The following LEO1 variants were observed in gnomAD, a reference collection of about 807,000 sequenced individuals.
LEO1 encodes LEO1 component of Paf1/RNA polymerase II complex, also known as RNA polymerase-associated protein LEO1.
Under a neutral mutation model 80.4 loss-of-function variants are expected in LEO1, and 34 were observed. The ratio of observed to expected loss-of-function variants is 0.42; its 90% CI spans 0.32 to 0.56. The LOEUF (loss-of-function observed/expected upper bound fraction) is 0.56. LEO1 is among the 20% of genes least tolerant of loss of function. The pLI, the probability that LEO1 is intolerant of heterozygous loss-of-function variation, is 0.10. For missense variants in LEO1, 631 were observed against 814.2 expected (o/e 0.77, Z 2.74); for synonymous variants, 262 against 274.9 (o/e 0.95, Z 0.46).
At chr15:51,958,859 A>T in intron 5 of LEO1, 33 bp from the exon 6 acceptor site, 1 of 1,181,914 alleles carries the variant, frequency 8.5e-7, no homozygotes, top group Non-Finnish European at 1.2e-6. Context: ...ACTATTAATC[A>T]TATTTTATAA....
chr15:51,950,055 C>T, intron 9 of LEO1, 61 bp from the exon 10 acceptor site: 2 of 1,387,232 alleles, frequency 1.4e-6, no homozygotes, highest in South Asian at 2.7e-5. Context: ...CCCACTTGAA[C>T]CCACTTTTAT....
At chr15:51,966,635 G>A (rs1163232585) in intron 1 of LEO1, 131 bp from the exon 2 acceptor site, 2 of 601,942 alleles carry the variant, frequency 3.3e-6, no homozygotes, top group East Asian at 2.8e-5. Context: ...CTAAGGCCGG[G>A]TGCAGTGGCT....
chr15:51,948,085 C>T (rs908979414), intron 10 of LEO1, among the ~76,000 whole-genome samples: 2 of 152,086 alleles, frequency 1.3e-5, no homozygotes, highest in African/African-American at 2.4e-5. Flanking sequence ...CTGTAAAGAC[C>T]GTTTGTTGCC....
At chr15:51,966,601 G>A in intron 1 of LEO1, 97 bp from the exon 2 acceptor site, 1 of 718,684 alleles carries the variant, frequency 1.4e-6, no homozygotes, top group Non-Finnish European at 2.4e-6. Context: ...GAAGAAACTG[G>A]CAAAAACTGT....
intron 2 of LEO1, among the ~76,000 whole-genome samples, chr15:51,963,412 A>G (rs1458078146): frequency 3.3e-5 from 5 of 152,230 alleles, no homozygotes; most frequent in African/African-American, 1.2e-4. Context: ...TGACAAATAT[A>G]TCATTATTTC....
At chr15:51,943,294 G>A (rs538843982) in intron 11 of LEO1, among the ~76,000 whole-genome samples, 6 of 151,518 alleles carry the variant, frequency 4.0e-5, no homozygotes, top group Non-Finnish European at 7.4e-5. Flanking sequence ...CAGGAGAATC[G>A]CTTGAATTCG....
chr15:51,962,660 C>T (rs898484915), intron 2 of LEO1, among the ~76,000 whole-genome samples, 167 bp from the exon 3 acceptor site: 1 of 152,144 alleles, frequency 6.6e-6, no homozygotes, highest in Non-Finnish European at 1.5e-5. Context: ...ATCAAAAATG[C>T]TATATGCCAA....
At chr15:51,965,526 C>A (rs140411912) in intron 2 of LEO1, among the ~76,000 whole-genome samples, 1 of 152,196 alleles carries the variant, frequency 6.6e-6, no homozygotes, top group Non-Finnish European at 1.5e-5. Context: ...TTGTTTTCCC[C>A]CAGACCTATC....
chr15:51,950,017 T>C, intron 9 of LEO1, 23 bp from the exon 10 acceptor site: 1 of 1,587,424 alleles, frequency 6.3e-7, no homozygotes, highest in Non-Finnish European at 8.6e-7. Flanking sequence ...AAATAACCTC[T>C]TTAACCTAAA....
chr15:51,964,052 A>G (rs1388584803), intron 2 of LEO1, among the ~76,000 whole-genome samples: 1 of 151,926 alleles, frequency 6.6e-6, no homozygotes, highest in Non-Finnish European at 1.5e-5. Flanking sequence ...TAAAAATACA[A>G]AAAATTAGCC....
Position 51,947,442 on chromosome 15 carries a change from G to A in LEO1, c.1799-53C>T, listed in dbSNP as rs2056911813. 6 of 1,317,522 alleles carry A rather than the reference G, an allele frequency of 4.6e-6. No individual in the cohort carries two copies. The East Asian group carries it at 6.9e-5, about 15-fold the overall frequency. 81.6% of individuals were successfully genotyped at this position (1,317,522 alleles called of 1,614,324 possible). A position where few individuals can be genotyped will look rare whatever the true frequency, so the allele number is the denominator to read the frequency against. On this transcript the variant is annotated intron_variant, in intron 10 of 11. Coordinates refer to ENST00000299601, the MANE Select transcript of LEO1 (RefSeq NM_138792.4). Reference sequence around the variant, plus strand: ...CACCTTTTTTTTTTTCTGAGACAGGGTCTTGCTTTGAGGCCCAGGCTGGAG... The same window carrying A: ...CACCTTTTTTTTTTTCTGAGACAGGATCTTGCTTTGAGGCCCAGGCTGGAG...
chr15:51,967,503 T>G (rs2057087487), intron 1 of LEO1, among the ~76,000 whole-genome samples: 1 of 144,608 alleles, frequency 6.9e-6, no homozygotes, highest in African/African-American at 2.6e-5. Context: ...GCTGAAGAAC[T>G]CCCAAATTTA....
At chr15:51,943,131 G>A (rs2056869663) in intron 11 of LEO1, among the ~76,000 whole-genome samples, 1 of 152,040 alleles carries the variant, frequency 6.6e-6, no homozygotes, top group Admixed American at 6.6e-5. Flanking sequence ...TGTAATCCCA[G>A]CACTTTGGGA....
At chr15:51,950,299 A>T (rs2056938910) in intron 9 of LEO1, among the ~76,000 whole-genome samples, 2 of 152,110 alleles carry the variant, frequency 1.3e-5, no homozygotes, top group African/African-American at 4.8e-5. Context: ...GAGAGAAGCA[A>T]CCCGCCTGAG....
chr15:51,953,997 G>A (rs1332100244), intron 7 of LEO1, among the ~76,000 whole-genome samples: 6 of 150,732 alleles, frequency 4.0e-5, no homozygotes, highest in African/African-American at 9.8e-5. Flanking sequence ...GCAGTGGCGC[G>A]ATCTCGGCTT....
At chr15:51,952,227 T>C in intron 8 of LEO1, 1 of 348,802 alleles carries the variant, frequency 2.9e-6, no homozygotes, top group Non-Finnish European at 5.2e-6. Context: ...TATGGCATGA[T>C]CACCTTCTAG....
intron 1 of LEO1, among the ~76,000 whole-genome samples, chr15:51,969,227 G>A (rs778176208): frequency 1.3e-5 from 2 of 151,984 alleles, no homozygotes; most frequent in Non-Finnish European, 2.9e-5. Context: ...CTAAAGTGCT[G>A]GGATTACAGG....
chr15:51,938,292 G>T, intron 11 of LEO1, 32 bp from the exon 12 acceptor site: 1 of 1,275,550 alleles, frequency 7.8e-7, no homozygotes, highest in Non-Finnish European at 1.1e-6. Flanking sequence ...AAATCTACAA[G>T]TCAATAAAGA....
chr15:51,949,779 A>G (rs2056932492), intron 10 of LEO1, 29 bp downstream of exon 10: 2 of 1,589,154 alleles, frequency 1.3e-6, no homozygotes, highest in Admixed American at 3.4e-5. Context: ...TCCCGAAATG[A>G]TGAAATGTAA....
Sources: allele counts gnomAD v4.1 joint callset (sites outside exome capture counted in the v4.1 genomes callset), GRCh38; gene constraint gnomAD v4.1.1; transcripts MANE v1.5; gene names NCBI Gene and HGNC (gene_info 2026-07-23, HGNC 2026-07-21).